CSGALNACT1: variants seen among roughly 807,000 people sequenced by gnomAD.
The protein encoded by CSGALNACT1 is beta4GalNAcT-1.
In CSGALNACT1, 52 loss-of-function variants were observed where a neutral mutation model predicts 51.0. The ratio of observed to expected loss-of-function variants is 1.02; its 90% CI spans 0.82 to 1.29. The LOEUF is 1.29. CSGALNACT1 is among the 50% of genes most tolerant of loss of function. The pLI is 0.00. For synonymous variants in CSGALNACT1, 341 were observed against 254.4 expected (o/e 1.34, Z -3.24); for missense variants, 935 against 679.2 (o/e 1.38, Z -4.19).
intron 1 of CSGALNACT1, among the ~76,000 whole-genome samples, chr8:19,692,077 T>C (rs1051464514): frequency 6.6e-6 from 1 of 151,864 alleles, no homozygotes; most frequent in Non-Finnish European, 1.5e-5. Context: ...TAGGGAAAAC[T>C]GCCTTGGAAA....
At chr8:19,665,208 C>T (rs966917123) in intron 1 of CSGALNACT1, among the ~76,000 whole-genome samples, 3 of 151,990 alleles carry the variant, frequency 2.0e-5, no homozygotes, top group Admixed American at 6.6e-5. Context: ...CAGACGGTGT[C>T]GTACCCCTTA....
At chr8:19,634,882 A>G (rs539675430) in intron 1 of CSGALNACT1, among the ~76,000 whole-genome samples, 73 of 152,360 alleles carry the variant, frequency 4.8e-4, no homozygotes, top group Non-Finnish European at 9.1e-4. Context: ...GCCCAAGCTA[A>G]GACAGCTGTC....
At chr8:19,652,495 C>G (rs905758363) in intron 1 of CSGALNACT1, among the ~76,000 whole-genome samples, 1 of 152,184 alleles carries the variant, frequency 6.6e-6, no homozygotes, top group Non-Finnish European at 1.5e-5. Context: ...GTCTTCCCAT[C>G]TACCTCCTAC....
intron 1 of CSGALNACT1, among the ~76,000 whole-genome samples, chr8:19,701,312 C>A (rs1209637343): frequency 6.6e-6 from 1 of 151,976 alleles, no homozygotes; most frequent in Non-Finnish European, 1.5e-5. Flanking sequence ...TGCCACCACA[C>A]CAAGCTAATT....
chr8:19,613,267 T>C (rs181231309), intron 1 of CSGALNACT1, among the ~76,000 whole-genome samples: 1 of 152,334 alleles, frequency 6.6e-6, no homozygotes, highest in Admixed American at 6.5e-5. Context: ...TCAGAACATA[T>C]AATTTATGTT....
intron 1 of CSGALNACT1, among the ~76,000 whole-genome samples, chr8:19,752,445 A>G (rs1368064480): frequency 6.6e-6 from 1 of 152,186 alleles, no homozygotes; most frequent in African/African-American, 2.4e-5. Flanking sequence ...TGACCTATTG[A>G]CTGATGCGTT....
chr8:19,413,363 C>G (rs991939838), intron 8 of CSGALNACT1, among the ~76,000 whole-genome samples: 1 of 152,164 alleles, frequency 6.6e-6, no homozygotes, highest in Non-Finnish European at 1.5e-5. Flanking sequence ...TGCCACTTAG[C>G]CGCTACAGGC....
intron 2 of CSGALNACT1, among the ~76,000 whole-genome samples, chr8:19,592,152 C>T (rs57673188): frequency 0.01 from 1,552 of 152,154 alleles, 23 homozygotes; most frequent in African/African-American, 0.034. Flanking sequence ...AATATAGAGA[C>T]GTAATAACTA....
chr8:19,671,656 A>T (rs904127843), intron 1 of CSGALNACT1, among the ~76,000 whole-genome samples: 5 of 152,206 alleles, frequency 3.3e-5, no homozygotes, highest in Admixed American at 6.5e-5. Context: ...ATTGATAAAG[A>T]CAAGTAAATG....
intron 3 of CSGALNACT1, among the ~76,000 whole-genome samples, chr8:19,533,614 C>A (rs1003503755): frequency 6.6e-6 from 1 of 152,182 alleles, no homozygotes; most frequent in Non-Finnish European, 1.5e-5. Context: ...TTGATCATAT[C>A]TTTTCATGTA....
intron 1 of CSGALNACT1, among the ~76,000 whole-genome samples, chr8:19,746,239 G>A (rs1380266930): frequency 1.3e-5 from 2 of 152,058 alleles, no homozygotes; most frequent in Non-Finnish European, 2.9e-5. Context: ...AGCTCCTGGG[G>A]TCAGAATCCA....
intron 1 of CSGALNACT1, among the ~76,000 whole-genome samples, chr8:19,651,923 T>C (rs2057841428): frequency 2.3e-5 from 1 of 43,368 alleles, no homozygotes; most frequent in African/African-American, 6.1e-5. Flanking sequence ...CTGTTTTTTT[T>C]TGTTTTGTTT....
intron 8 of CSGALNACT1, among the ~76,000 whole-genome samples, chr8:19,414,052 T>C (rs990552067): frequency 1.9e-4 from 29 of 152,188 alleles, no homozygotes; most frequent in African/African-American, 6.8e-4. Context: ...GACAAATCTC[T>C]TCCCAACCTT....
chr8:19,655,259 C>G (rs1187729460), intron 1 of CSGALNACT1, among the ~76,000 whole-genome samples: 2 of 152,136 alleles, frequency 1.3e-5, no homozygotes, highest in Non-Finnish European at 2.9e-5. Context: ...CAAATCCAAG[C>G]CCTTTATGAC....
chr8:19,721,796 T>C (rs1055986937), intron 1 of CSGALNACT1, among the ~76,000 whole-genome samples: 1 of 152,234 alleles, frequency 6.6e-6, no homozygotes, highest in African/African-American at 2.4e-5. Flanking sequence ...AATTAAAACA[T>C]GCTAATTGGC....
chr8:19,598,652 C>T (rs10888166), intron 2 of CSGALNACT1, among the ~76,000 whole-genome samples: 4 of 152,124 alleles, frequency 2.6e-5, no homozygotes, highest in African/African-American at 7.2e-5. Flanking sequence ...GGCCTATAAG[C>T]TTATGTGTCT....
At chr8:19,533,272 A>G (rs1371250232) in intron 3 of CSGALNACT1, among the ~76,000 whole-genome samples, 1 of 151,918 alleles carries the variant, frequency 6.6e-6, no homozygotes, top group Non-Finnish European at 1.5e-5. Flanking sequence ...ACATACCACC[A>G]CACCTAGCTA....
chr8:19,431,074 G>C (rs1254298546), intron 6 of CSGALNACT1, among the ~76,000 whole-genome samples: 1 of 151,986 alleles, frequency 6.6e-6, no homozygotes, highest in Non-Finnish European at 1.5e-5. Context: ...TAATAGTTTT[G>C]TGGATTCCTT....
intron 3 of CSGALNACT1, among the ~76,000 whole-genome samples, chr8:19,552,082 G>A (rs2088264727): frequency 6.6e-6 from 1 of 152,128 alleles, no homozygotes; most frequent in African/African-American, 2.4e-5. Flanking sequence ...AGAGATTTCA[G>A]ATGGGATAAA....
Sources: gnomAD v4.1 joint callset for allele counts (sites outside exome capture counted in the v4.1 genomes callset) on GRCh38, gnomAD v4.1.1 for gene constraint, MANE v1.5 for transcripts, NCBI Gene and HGNC (gene_info 2026-07-23, HGNC 2026-07-21) for gene names.